Variants in TMEM178B observed in about 807,000 individuals in gnomAD.
The protein encoded by TMEM178B is transmembrane protein 178B.
Under a neutral mutation model 31.0 loss-of-function variants are expected in TMEM178B, and 5 were observed. That is an observed-to-expected ratio of 0.16 (90% CI 0.08 to 0.34). The LOEUF (loss-of-function observed/expected upper bound fraction) is 0.34. TMEM178B is among the 10% of genes least tolerant of loss of function. TMEM178B has a pLI of 1.00. For synonymous variants in TMEM178B, 164 were observed against 164.0 expected, an observed-to-expected ratio of 1.00 and a Z score of 0.00; for missense variants, 275 against 400.3, an observed-to-expected ratio of 0.69 and a Z score of 2.67.
chr7:141,342,215 T>C (rs1799527079), intron 2 of TMEM178B, among the ~76,000 whole-genome samples: 1 of 152,184 alleles, frequency 6.6e-6, no homozygotes, highest in African/African-American at 2.4e-5. Context: ...TCCAAAGTCC[T>C]GGGATTACAG....
At chr7:141,104,094 C>A (rs567500342) in intron 1 of TMEM178B, among the ~76,000 whole-genome samples, 2 of 152,196 alleles carry the variant, frequency 1.3e-5, no homozygotes, top group Non-Finnish European at 2.9e-5. Flanking sequence ...TTTAGTTGAA[C>A]CTGAGCCAGG....
chr7:141,494,885 C>T, the TMEM178B span, among the ~76,000 whole-genome samples: 2 of 151,984 alleles, frequency 1.3e-5, no homozygotes, highest in African/African-American at 2.4e-5. Context: ...ATTTGCTTCA[C>T]GATAATATAG....
chr7:141,217,289 C>A (rs894637317), intron 2 of TMEM178B, among the ~76,000 whole-genome samples: 15 of 152,330 alleles, frequency 9.8e-5, no homozygotes, highest in Non-Finnish European at 1.5e-4. Context: ...ACAGGTGGGG[C>A]CTGGGCCTTT....
chr7:141,161,647 TG>T (rs1796174429), intron 1 of TMEM178B, among the ~76,000 whole-genome samples: 1 of 151,654 alleles, frequency 6.6e-6, no homozygotes, highest in Non-Finnish European at 1.5e-5. Flanking sequence ...GGGGAACAGG[TG>T]GGAGGCAGTG....
chr7:141,303,682 T>G (rs1322551202), intron 2 of TMEM178B, among the ~76,000 whole-genome samples: 1 of 152,222 alleles, frequency 6.6e-6, no homozygotes, highest in Non-Finnish European at 1.5e-5. Context: ...TGATTCCTAC[T>G]TTATGCCTCC....
intron 2 of TMEM178B, among the ~76,000 whole-genome samples, chr7:141,235,908 T>C (rs1797520553): frequency 6.6e-6 from 1 of 152,210 alleles, no homozygotes; most frequent in African/African-American, 2.4e-5. Context: ...TTCAGGCCTG[T>C]CTTGGCCGTC....
chr7:141,094,858 G>T (rs1283295978), intron 1 of TMEM178B, among the ~76,000 whole-genome samples: 1 of 152,164 alleles, frequency 6.6e-6, no homozygotes, highest in Non-Finnish European at 1.5e-5. Flanking sequence ...ATGCTTCACT[G>T]TGTCTGCATT....
chr7:141,175,888 A>G (rs1408811463), intron 1 of TMEM178B, among the ~76,000 whole-genome samples: 1 of 152,148 alleles, frequency 6.6e-6, no homozygotes, highest in Non-Finnish European at 1.5e-5. Context: ...AAATATACAA[A>G]CATGTCATCT....
chr7:141,287,474 T>C (rs771995744), intron 2 of TMEM178B, among the ~76,000 whole-genome samples: 9 of 152,228 alleles, frequency 5.9e-5, no homozygotes, highest in Non-Finnish European at 1.3e-4. Flanking sequence ...AGCAGCGTAG[T>C]TGTCCCTCTT....
chr7:141,407,576 CT>C (rs1297785817), intron 2 of TMEM178B, among the ~76,000 whole-genome samples: 1 of 152,164 alleles, frequency 6.6e-6, no homozygotes, highest in Non-Finnish European at 1.5e-5. Flanking sequence ...CGCTCCCGAT[CT>C]CGTCTGAATA....
intron 1 of TMEM178B, among the ~76,000 whole-genome samples, chr7:141,077,076 C>T (rs1190122527): frequency 6.6e-6 from 1 of 152,204 alleles, no homozygotes; most frequent in Non-Finnish European, 1.5e-5. Flanking sequence ...AATTCACAAG[C>T]AATTCCAATA....
intron 2 of TMEM178B, among the ~76,000 whole-genome samples, chr7:141,293,038 A>G (rs1460900348): frequency 1.3e-5 from 2 of 152,178 alleles, no homozygotes; most frequent in African/African-American, 4.8e-5. Flanking sequence ...CCTGTGAAAT[A>G]AAAATGTTAC....
rs188050948 is a variant in TMEM178B, at chr7:141,251,305, G to A, written c.496+38601G>A. Reference sequence around the variant, plus strand: ...CCGCAGGAATCAGAGAAGCATTAAAGAATGACAGCTAGAGTGGCCTGGGCA... The same window carrying A: ...CCGCAGGAATCAGAGAAGCATTAAAAAATGACAGCTAGAGTGGCCTGGGCA... On this transcript the variant is annotated intron_variant, in intron 2 of 3. Coordinates refer to ENST00000565468, the MANE Select transcript of TMEM178B (RefSeq NM_001195278.2). Among the ~76,000 whole-genome samples, 136 of 152,072 alleles carry A rather than the reference G, an allele frequency of 8.9e-4. 1 individual carries two copies. Among genetic ancestry groups the A allele is most frequent in the African/African-American group, 3.0e-3 (125 of 41,498 alleles).
intron 3 of TMEM178B, among the ~76,000 whole-genome samples, chr7:141,467,391 T>G (rs1224270443): frequency 6.6e-6 from 1 of 152,180 alleles, no homozygotes; most frequent in Non-Finnish European, 1.5e-5. Context: ...TACAAATGCA[T>G]ACATGTGTGA....
At chr7:141,189,836 G>A (rs1308099281) in intron 1 of TMEM178B, among the ~76,000 whole-genome samples, 7 of 152,208 alleles carry the variant, frequency 4.6e-5, no homozygotes, top group South Asian at 4.2e-4. Context: ...GGATGGTCTC[G>A]ACCAAGAACC....
chr7:141,122,537 TG>T (rs943103381), intron 1 of TMEM178B, among the ~76,000 whole-genome samples: 13 of 152,234 alleles, frequency 8.5e-5, no homozygotes, highest in Admixed American at 6.5e-4. Flanking sequence ...GTCCTAGGAA[TG>T]GTGGTTCACC....
chr7:141,230,909 C>T (rs1797431510), intron 2 of TMEM178B, among the ~76,000 whole-genome samples: 1 of 152,124 alleles, frequency 6.6e-6, no homozygotes, highest in South Asian at 2.1e-4. Context: ...TCTGTGTTGC[C>T]CAGGCTGGTC....
At chr7:141,494,307 T>C in the TMEM178B span, among the ~76,000 whole-genome samples, 1 of 152,218 alleles carries the variant, frequency 6.6e-6, no homozygotes, top group African/African-American at 2.4e-5. Context: ...ATACAAGTTA[T>C]AGAAAAGTTG....
chr7:141,175,576 G>T (rs1796420215), intron 1 of TMEM178B, among the ~76,000 whole-genome samples: 1 of 152,144 alleles, frequency 6.6e-6, no homozygotes, highest in Admixed American at 6.5e-5. Context: ...TGACGATACT[G>T]GTTTTTCCTA....
Sources: gnomAD v4.1 joint callset for allele counts (sites outside exome capture counted in the v4.1 genomes callset) on GRCh38, gnomAD v4.1.1 for gene constraint, MANE v1.5 for transcripts, NCBI Gene and HGNC (gene_info 2026-07-23, HGNC 2026-07-21) for gene names.